The following OXCT1 variants were observed in gnomAD, a reference collection of about 807,000 sequenced individuals.
OXCT1 encodes the protein succinyl-CoA:3-ketoacid coenzyme A transferase 1, mitochondrial.
OXCT1 carries 27 observed loss-of-function variants against 69.6 expected under a neutral mutation model. The observed-to-expected ratio is 0.39, with a 90% confidence interval of 0.29 to 0.54. OXCT1 has a LOEUF of 0.54. Among genes scored for constraint, OXCT1 ranks in the 20% least tolerant of loss-of-function variants. OXCT1 has a pLI of 0.72. For synonymous variants in OXCT1, 202 were observed against 217.8 expected, an observed-to-expected ratio of 0.93 and a Z score of 0.64; for missense variants, 437 against 650.2, an observed-to-expected ratio of 0.67 and a Z score of 3.57.
chr5:41,765,690 G>C (rs1033430238), intron 13 of OXCT1, among the ~76,000 whole-genome samples: 3 of 152,162 alleles, frequency 2.0e-5, no homozygotes, highest in Non-Finnish European at 4.4e-5. Context: ...GTCCTAGGCA[G>C]AGTAATTCAC....
chr5:41,847,773 C>T (rs542632676), intron 5 of OXCT1, among the ~76,000 whole-genome samples: 1 of 152,106 alleles, frequency 6.6e-6, no homozygotes, highest in Non-Finnish European at 1.5e-5. Context: ...ATTGATGGGA[C>T]ATATCTCAAG....
At chr5:41,735,922 C>T (rs570038648) in intron 16 of OXCT1, among the ~76,000 whole-genome samples, 33 of 152,330 alleles carry the variant, frequency 2.2e-4, no homozygotes, top group Non-Finnish European at 3.8e-4. Flanking sequence ...GCAATGAAGG[C>T]TACCCTTGTG....
chr5:41,786,959 G>T (rs1745666734), intron 13 of OXCT1, among the ~76,000 whole-genome samples: 1 of 152,178 alleles, frequency 6.6e-6, no homozygotes, highest in South Asian at 2.1e-4. Context: ...GAGAGAAAAT[G>T]ATTAAATGCC....
chr5:41,812,696 G>C (rs1306209549), intron 7 of OXCT1, among the ~76,000 whole-genome samples: 1 of 151,934 alleles, frequency 6.6e-6, no homozygotes, highest in Non-Finnish European at 1.5e-5. Flanking sequence ...GGAAAAAACA[G>C]AGCAGTTCAA....
chr5:41,866,894 G>A (rs548866769), intron 1 of OXCT1, among the ~76,000 whole-genome samples: 2 of 152,188 alleles, frequency 1.3e-5, no homozygotes, highest in Non-Finnish European at 2.9e-5. Flanking sequence ...TACTTGTCAG[G>A]ACAGTGATTC....
intron 7 of OXCT1, among the ~76,000 whole-genome samples, chr5:41,827,681 C>G: frequency 6.6e-6 from 1 of 152,150 alleles, no homozygotes; most frequent in East Asian, 1.9e-4. Flanking sequence ...AGGATCGGTG[C>G]AAGACAAGAA....
chr5:41,818,634 G>A (rs115439440), intron 7 of OXCT1, among the ~76,000 whole-genome samples: 41 of 152,174 alleles, frequency 2.7e-4, no homozygotes, highest in African/African-American at 9.4e-4. Context: ...ACCTTTTCTC[G>A]CTTTTATTAA....
At chr5:41,852,457 G>A (rs79780208) in intron 4 of OXCT1, among the ~76,000 whole-genome samples, 4,026 of 152,222 alleles carry the variant, frequency 0.026, 56 homozygotes, top group African/African-American at 0.035. Context: ...AAAATAAAGC[G>A]GAGTGGCTCA....
chr5:41,838,028 C>T (rs1748453373), intron 7 of OXCT1, among the ~76,000 whole-genome samples: 1 of 152,186 alleles, frequency 6.6e-6, no homozygotes. Flanking sequence ...GAAGAATATG[C>T]AGTTAACTTA....
chr5:41,839,393 T>C (rs1469539858), intron 7 of OXCT1, among the ~76,000 whole-genome samples: 1 of 152,234 alleles, frequency 6.6e-6, no homozygotes, highest in Non-Finnish European at 1.5e-5. Flanking sequence ...CTTTTTTCAG[T>C]AATGCTATAG....
At chr5:41,735,575 T>C (rs954322664) in intron 16 of OXCT1, among the ~76,000 whole-genome samples, 1 of 152,260 alleles carries the variant, frequency 6.6e-6, no homozygotes, top group Admixed American at 6.5e-5. Flanking sequence ...TAAATTTTTT[T>C]AAAGTTTTTA....
intron 5 of OXCT1, among the ~76,000 whole-genome samples, chr5:41,847,631 C>A (rs1462979110): frequency 2.0e-5 from 3 of 151,844 alleles, no homozygotes; most frequent in Admixed American, 6.6e-5. Flanking sequence ...TCAATATACA[C>A]AAATCAATAA....
chr5:41,771,657 GA>G (rs1451225462), intron 13 of OXCT1, among the ~76,000 whole-genome samples: 1 of 152,158 alleles, frequency 6.6e-6, no homozygotes. Context: ...GCCTCTTACA[GA>G]AGGCATTGAT....
At chr5:41,770,446 C>A (rs984938975) in intron 13 of OXCT1, among the ~76,000 whole-genome samples, 9 of 152,260 alleles carry the variant, frequency 5.9e-5, no homozygotes, top group East Asian at 1.9e-4. Context: ...TAATACATAT[C>A]TGAACTACAC....
rs188300405 is a variant in OXCT1, at chr5:41,846,027, T to A, written c.565-3246A>T. ...CAGCTTAAGAAATAGAACATTAATA[T>A]TCAGTTTAAATCCCCCTGCATTCCC... is the stretch of plus-strand genomic sequence containing the variant. On this transcript the variant is annotated intron_variant, in intron 5 of 16. Transcript: ENST00000196371. Among the ~76,000 whole-genome samples, 973 of 152,178 alleles carry A rather than the reference T, an allele frequency of 6.4e-3. 9 individuals are homozygous for A. Among genetic ancestry groups the A allele is most frequent in the Middle Eastern group, 0.027 (8 of 294 alleles).
chr5:41,750,919 T>TA (rs1210183477), intron 14 of OXCT1, among the ~76,000 whole-genome samples: 8 of 152,090 alleles, frequency 5.3e-5, no homozygotes, highest in East Asian at 1.9e-4. Context: ...GATAGATTTT[T>TA]AAAAAAACTA....
intron 11 of OXCT1, among the ~76,000 whole-genome samples, chr5:41,800,558 C>A (rs533618438): frequency 1.3e-5 from 2 of 151,270 alleles, no homozygotes; most frequent in African/African-American, 4.9e-5. Flanking sequence ...ACAGTTCCTA[C>A]TAAGTGGCCA....
intron 7 of OXCT1, among the ~76,000 whole-genome samples, chr5:41,808,635 C>A (rs767734415): frequency 6.6e-5 from 10 of 152,076 alleles, no homozygotes; most frequent in Non-Finnish European, 1.5e-4. Flanking sequence ...CCAAGTTGAA[C>A]TACTGGGTAG....
rs146067132 is a variant in OXCT1, at chr5:41,775,285, G to A, written c.1249-13085C>T. Among the ~76,000 whole-genome samples, 89 of 152,266 alleles carry A rather than the reference G, an allele frequency of 5.8e-4. 1 individual carries two copies. Among genetic ancestry groups the A allele is most frequent in the African/African-American group, 1.9e-3 (81 of 41,544 alleles). ...AGTCCAGGCCACCAGTACCTCTGAC[G>A]AACCAGCTATAAAGTCAAGAGGTTT... On this transcript the variant is annotated intron_variant, in intron 13 of 16. Coordinates refer to ENST00000196371, the MANE Select transcript of OXCT1 (RefSeq NM_000436.4).
Sources: allele counts gnomAD v4.1 joint callset (sites outside exome capture counted in the v4.1 genomes callset), GRCh38; gene constraint gnomAD v4.1.1; transcripts MANE v1.5; gene names NCBI Gene and HGNC (gene_info 2026-07-23, HGNC 2026-07-21).